SYNRG: variants seen among roughly 807,000 people sequenced by gnomAD.
SYNRG encodes the protein synergin gamma, also known as AP1 gamma subunit binding protein 1.
In SYNRG, 37 loss-of-function variants were observed where a neutral mutation model predicts 130.9. The observed-to-expected ratio is 0.28, with a 90% CI of 0.22 to 0.37. SYNRG has a LOEUF of 0.37. Among genes scored for constraint, SYNRG ranks in the 10% least tolerant of loss-of-function variants. SYNRG has a pLI of 1.00. For synonymous variants in SYNRG, 539 were observed against 568.1 expected (o/e 0.95, Z 0.73); for missense variants, 1,338 against 1,588.9 (o/e 0.84, Z 2.68).
At chr17:37,603,053 A>G (rs1185302810) in intron 1 of SYNRG, among the ~76,000 whole-genome samples, 1 of 152,168 alleles carries the variant, frequency 6.6e-6, no homozygotes, top group Non-Finnish European at 1.5e-5. Flanking sequence ...AAAACAAAAC[A>G]AAGTAGCAAA....
At chr17:37,601,900 T>G (rs2063319397) in intron 1 of SYNRG, among the ~76,000 whole-genome samples, 1 of 152,020 alleles carries the variant, frequency 6.6e-6, no homozygotes, top group Non-Finnish European at 1.5e-5. Flanking sequence ...CCTGGCCTCA[T>G]GATCTGCCTG....
intron 19 of SYNRG, among the ~76,000 whole-genome samples, chr17:37,533,923 TTTC>T (rs1327101272): frequency 1.4e-5 from 2 of 138,546 alleles, no homozygotes; most frequent in African/African-American, 2.7e-5. Flanking sequence ...TTCATTTTCT[TTTC>T]TTTTTTTTTT....
intron 19 of SYNRG, among the ~76,000 whole-genome samples, chr17:37,524,416 T>G (rs1018911241): frequency 6.6e-6 from 1 of 152,250 alleles, no homozygotes; most frequent in Non-Finnish European, 1.5e-5. Context: ...CAAATCTTTC[T>G]TAAACACATT....
chr17:37,520,481 G>A lies in SYNRG; in HGVS notation c.3777+57C>T, dbSNP rs375583329. On this transcript the variant is annotated intron_variant, in intron 20 of 21. Coordinates refer to ENST00000612223, the MANE Select transcript of SYNRG (RefSeq NM_007247.6). ...GCAGTAAAGTGGGCCAGATGAGGTT[G>A]TCCAGAGTCATGTTAGGGAAGCCCT... is the stretch of plus-strand genomic sequence containing the variant. 9 of 1,522,462 alleles carry A rather than the reference G, an allele frequency of 5.9e-6. No individual in the cohort carries two copies. In the East Asian group the frequency reaches 6.8e-5, roughly 11 times the overall value. 94.3% of individuals were successfully genotyped at this position (1,522,462 alleles called of 1,614,324 possible). A position where few individuals can be genotyped will look rare whatever the true frequency, so the allele number is the denominator to read the frequency against.
At chr17:37,525,602 G>A (rs2055745228) in intron 19 of SYNRG, among the ~76,000 whole-genome samples, 1 of 152,340 alleles carries the variant, frequency 6.6e-6, no homozygotes, top group Non-Finnish European at 1.5e-5. Flanking sequence ...GGAGGCCGAG[G>A]TGGGTGGATC....
chr17:37,540,342 G>A (rs2057627626), intron 16 of SYNRG, 38 bp downstream of exon 16: 1 of 1,603,754 alleles, frequency 6.2e-7, no homozygotes, highest in African/African-American at 1.3e-5. Context: ...GTGCTTGCTG[G>A]TCTGTTACCC....
intron 11 of SYNRG, among the ~76,000 whole-genome samples, chr17:37,565,551 A>G (rs2059876957): frequency 6.8e-6 from 1 of 146,510 alleles, no homozygotes; most frequent in African/African-American, 2.6e-5. Flanking sequence ...CCCAGTCTGG[A>G]AAGTGAGGAG....
chr17:37,561,315 A>G, intron 12 of SYNRG, 58 bp from the exon 13 acceptor site: 1 of 1,570,874 alleles, frequency 6.4e-7, no homozygotes, highest in Non-Finnish European at 8.7e-7. Context: ...TCACAGCTCC[A>G]GGAAGTGAGG....
In SYNRG at chr17:37,589,704, G is replaced by A. The variant is rs541921526; in HGVS notation, c.241-3155C>T. 2.3e-3 allele frequency among the ~76,000 whole-genome samples: 353 copies of A among 151,596 alleles called. 1 individual carries two copies. The highest frequency in any genetic ancestry group is 4.2e-3 in the Non-Finnish European group (287 of 67,928). On this transcript the variant is annotated intron_variant, in intron 3 of 21. Coordinates refer to ENST00000612223, the MANE Select transcript of SYNRG (RefSeq NM_007247.6). ...GCAGAGCATGCAGTGAGCCAAGATCGCGTCACCACACTCCAGCCTGGGCGA... is the reference window on the plus strand; with the variant it reads ...GCAGAGCATGCAGTGAGCCAAGATCACGTCACCACACTCCAGCCTGGGCGA...
chr17:37,551,749 G>A (rs1048670436), intron 14 of SYNRG, among the ~76,000 whole-genome samples: 5 of 150,516 alleles, frequency 3.3e-5, no homozygotes, highest in Admixed American at 2.7e-4. Flanking sequence ...AGAAAACAGA[G>A]CACTTTGCAA....
intron 19 of SYNRG, among the ~76,000 whole-genome samples, chr17:37,526,477 A>G (rs2055933535): frequency 6.6e-6 from 1 of 152,190 alleles, no homozygotes; most frequent in Admixed American, 6.5e-5. Flanking sequence ...GTCTTGTATA[A>G]TCTTTCCTAT....
chr17:37,526,400 A>T (rs1437777141), intron 19 of SYNRG, among the ~76,000 whole-genome samples: 2 of 152,240 alleles, frequency 1.3e-5, no homozygotes, highest in Non-Finnish European at 2.9e-5. Flanking sequence ...TTTGACTGAT[A>T]CAAAGGGTGA....
chr17:37,576,237 C>T, intron 8 of SYNRG, 104 bp downstream of exon 8: 1 of 1,108,734 alleles, frequency 9.0e-7, no homozygotes, highest in Non-Finnish European at 1.3e-6. Flanking sequence ...GTGACAACTC[C>T]TCCTGCATTT....
intron 21 of SYNRG, among the ~76,000 whole-genome samples, chr17:37,519,560 A>G (rs1193816660): frequency 6.6e-6 from 1 of 152,244 alleles, no homozygotes; most frequent in Non-Finnish European, 1.5e-5. Context: ...AGAGAACGAC[A>G]GATAACAACT....
intron 11 of SYNRG, among the ~76,000 whole-genome samples, chr17:37,563,106 G>A (rs1345901033): frequency 6.6e-6 from 1 of 152,076 alleles, no homozygotes; most frequent in African/African-American, 2.4e-5. Flanking sequence ...TATGCATACT[G>A]CAAATGAATA....
chr17:37,546,197 T>G (rs1485722670), intron 14 of SYNRG, among the ~76,000 whole-genome samples: 2 of 152,194 alleles, frequency 1.3e-5, no homozygotes, highest in African/African-American at 4.8e-5. Context: ...TAACCCACAT[T>G]TTAGTTTGTA....
At chr17:37,548,828 AAAAAAAAAAAAAAAACACAC>A (rs889290846) in intron 14 of SYNRG, among the ~76,000 whole-genome samples, 5 of 146,498 alleles carry the variant, frequency 3.4e-5, no homozygotes, top group African/African-American at 1.3e-4. Context: ...TCTGTCTTAA[AAAAAAAAAAAAAAAACACAC>A]AAAAAAACGG....
chr17:37,562,275 A>G lies in SYNRG; in HGVS notation c.1482-686T>C, dbSNP rs1454768368. Among the ~76,000 whole-genome samples, 3 of 152,258 alleles carry G rather than the reference A, an allele frequency of 2.0e-5. No individual in the cohort carries two copies. In the East Asian group the frequency reaches 5.8e-4, roughly 29 times the overall value. On this transcript the variant is annotated intron_variant, in intron 11 of 21. Transcript: ENST00000612223. ...AACAACAATCACTTCAAAATTAGAT[A>G]AAGATACTTTTGCCTGTGGACATAT...
Position 37,561,533 on chromosome 17 carries a change from T to C in SYNRG, c.1538A>G (p.Lys513Arg). 1 of 1,613,836 alleles carries C rather than the reference T, an allele frequency of 6.2e-7. No individual in the cohort carries two copies. Reference protein sequence around the residue: ...PGTKALPSMDKYAVFKGIAAD... With the variant: ...PGTKALPSMDRYAVFKGIAAD... ...TGCAATTCCTTTAAACACAGCATAT[T>C]TGTCCATTGAAGGCAATGCTTTAGT... Residue 513 changes from lysine to arginine, a missense_variant, in exon 12 of 22, where the codon AAA becomes AGA. Transcript: ENST00000612223.
Sources: gnomAD v4.1 joint callset for allele counts (sites outside exome capture counted in the v4.1 genomes callset) on GRCh38, gnomAD v4.1.1 for gene constraint, MANE v1.5 for transcripts, NCBI Gene and HGNC (gene_info 2026-07-23, HGNC 2026-07-21) for gene names.